DDHD1: variants seen among roughly 807,000 people sequenced by gnomAD.
DDHD1 encodes the protein phospholipase DDHD1.
In DDHD1, 49 loss-of-function variants were observed where a neutral mutation model predicts 96.4. That is an observed-to-expected ratio of 0.51 (90% CI 0.40 to 0.64). DDHD1 has a LOEUF of 0.64. Ranked by LOEUF, DDHD1 falls within the 30% of genes least tolerant of loss-of-function variation. The probability of loss-of-function intolerance (pLI) is 0.00; values close to 1 mark genes in which losing one functional copy is unlikely to be tolerated. For synonymous variants in DDHD1, 442 were observed against 446.5 expected (o/e 0.99, Z 0.13); for missense variants, 1,106 against 1,161.2 (o/e 0.95, Z 0.69).
rs1881702032 is a variant in DDHD1, at chr14:53,042,131, T to A, written c.*4637A>T. On this transcript the variant is annotated 3_prime_UTR_variant, in exon 13 of 13. Coordinates refer to ENST00000673822, the MANE Select transcript of DDHD1 (RefSeq NM_001160148.2). The stretch of plus-strand genomic sequence containing the variant: ...ACGAAGGAATTAAATGTGATAGCAT[T>A]TCTCTAGGTAAATGCCAAATTAAAA... 6.6e-6 allele frequency: 1 copy of A among 152,146 alleles called. No individual in the cohort carries two copies. The highest frequency in any genetic ancestry group is 2.4e-5 in the African/African-American group (1 of 41,432). The allele number at this position is 152,146 out of a possible 1,614,324, so 9.4% of individuals were successfully genotyped here. A position where few individuals can be genotyped will look rare whatever the true frequency, so the allele number is the denominator to read the frequency against.
chr14:53,153,056 T>C lies in DDHD1; in HGVS notation c.43A>G (p.Asn15Asp). The C allele has an allele frequency of 1.3e-6, 2 of 1,488,836 alleles. No individual in the cohort carries two copies. Among genetic ancestry groups the C allele is most frequent in the South Asian group, 1.3e-5 (1 of 76,622 alleles). The allele number at this position is 1,488,836 out of a possible 1,614,324, so 92.2% of individuals were successfully genotyped here. The part of the protein sequence containing the change: ...GRGSPRSPEH[N>D]GRGGGGGAWE... ...GCGCCGCCGCCGCCGCCTCGGCCGTTATGCTCGGGGCTCCGTGGGGACCCG... is the reference window on the plus strand; with the variant it reads ...GCGCCGCCGCCGCCGCCTCGGCCGTCATGCTCGGGGCTCCGTGGGGACCCG... The change falls in exon 1 of 13, where the codon AAC becomes GAC. Residue 15 changes from asparagine to aspartate, a missense_variant. Physicochemically the swap from Asn to Asp is conservative, Grantham distance 23 (BLOSUM62 1). This residue lies in a region of DDHD1 where 456 missense variants were observed against 402.4 expected (regional missense o/e 1.13). Transcript: ENST00000673822.
chr14:53,054,169 T>C (rs1476709714), intron 11 of DDHD1: 5 of 341,434 alleles, frequency 1.5e-5, no homozygotes, highest in Admixed American at 4.3e-5. Flanking sequence ...CTAAAGAGAT[T>C]TGTTTTATGC....
At chr14:53,137,666 A>C (rs972656542) in intron 1 of DDHD1, among the ~76,000 whole-genome samples, 2 of 152,214 alleles carry the variant, frequency 1.3e-5, no homozygotes, top group African/African-American at 2.4e-5. Context: ...AAATGTACAG[A>C]GTTGTTAAGC....
In DDHD1 at chr14:53,072,660, C is replaced by T. The variant is rs1439183447; in HGVS notation, c.1440G>A (p.Arg480=). 1.3e-5 allele frequency: 21 copies of T among 1,610,204 alleles called. No homozygotes were observed. The East Asian group carries it at 4.2e-4, about 33-fold the overall frequency. Residue 480 remains arginine, a synonymous_variant, in exon 6 of 13, where the codon AGG becomes AGA. Coordinates refer to ENST00000673822, the MANE Select transcript of DDHD1 (RefSeq NM_001160148.2). The part of the protein sequence containing the change: ...SITPDKVRGL[R]DMLNSSAMDI... Reference sequence around the variant, plus strand: ...CCATTGCACTGCTGTTCAGCATATCCCTTAAACCTCGTACTTTGTCAGGAG... The same window carrying T: ...CCATTGCACTGCTGTTCAGCATATCTCTTAAACCTCGTACTTTGTCAGGAG...
chr14:53,083,091 T>C (rs1373218438), intron 4 of DDHD1, among the ~76,000 whole-genome samples: 1 of 152,222 alleles, frequency 6.6e-6, no homozygotes, highest in Non-Finnish European at 1.5e-5. Context: ...TTTTGTGAAC[T>C]ACATGTATGT....
At chr14:53,151,604 G>A (rs1245986425) in intron 1 of DDHD1, among the ~76,000 whole-genome samples, 5 of 152,172 alleles carry the variant, frequency 3.3e-5, no homozygotes, top group African/African-American at 1.2e-4. Context: ...TGAGGAAGAC[G>A]AGGCATAGAA....
chr14:53,048,843 A>G (rs1882276655), intron 12 of DDHD1: 1 of 152,246 alleles, frequency 6.6e-6, no homozygotes, highest in African/African-American at 2.4e-5. Flanking sequence ...AAGCACAATG[A>G]AGATGAGTCA....
chr14:53,080,377 AC>A (rs1304046217), intron 4 of DDHD1, among the ~76,000 whole-genome samples: 1 of 152,054 alleles, frequency 6.6e-6, no homozygotes, highest in Non-Finnish European at 1.5e-5. Flanking sequence ...AAAAAAAAAG[AC>A]TTTTCACATG....
rs752054002 is a variant in DDHD1 at position 53,046,756 on chromosome 14, C to T, written c.*12G>A. ...AAATCAGTTTTAGGCCATTCATGTC[C>T]TTCAAGAGAGTTCAGATTGGATCTA... On this transcript the variant is annotated 3_prime_UTR_variant, in exon 13 of 13. Transcript: ENST00000673822. 1 of 1,445,848 alleles carries T rather than the reference C, an allele frequency of 6.9e-7. No individual in the cohort carries two copies. The highest frequency in any genetic ancestry group is 2.5e-5 in the Admixed American group (1 of 40,724). The allele number at this position is 1,445,848 out of a possible 1,614,324, so 89.6% of individuals were successfully genotyped here.
At chr14:53,144,481 A>T (rs1890844506) in intron 1 of DDHD1, among the ~76,000 whole-genome samples, 1 of 152,210 alleles carries the variant, frequency 6.6e-6, no homozygotes, top group African/African-American at 2.4e-5. Context: ...CTCAGTTTGG[A>T]TGCTCAACAA....
At chr14:53,083,958 A>G (rs757948957) in intron 4 of DDHD1, among the ~76,000 whole-genome samples, 8 of 152,146 alleles carry the variant, frequency 5.3e-5, no homozygotes, top group Non-Finnish European at 1.2e-4. Context: ...GCTTCCAATA[A>G]TAGCTCTTGA....
intron 10 of DDHD1, among the ~76,000 whole-genome samples, chr14:53,054,874 C>A (rs1354279040): frequency 3.3e-5 from 5 of 152,092 alleles, no homozygotes; most frequent in Admixed American, 1.3e-4. Context: ...AATAAAGATT[C>A]TATTTTATTC....
chr14:53,142,079 A>C (rs1890677417), intron 1 of DDHD1, among the ~76,000 whole-genome samples: 1 of 152,244 alleles, frequency 6.6e-6, no homozygotes, highest in Admixed American at 6.5e-5. Flanking sequence ...ACCTGATGAT[A>C]ACTCTTGGAA....
intron 1 of DDHD1, among the ~76,000 whole-genome samples, chr14:53,135,588 G>A (rs529209914): frequency 6.6e-6 from 1 of 152,302 alleles, no homozygotes; most frequent in South Asian, 2.1e-4. Context: ...TGTGGCAGCC[G>A]CATGATCTGT....
At chr14:53,115,493 T>C (rs1888473305) in intron 1 of DDHD1, among the ~76,000 whole-genome samples, 1 of 152,180 alleles carries the variant, frequency 6.6e-6, no homozygotes, top group South Asian at 2.1e-4. Context: ...TCAGGTTATC[T>C]ACAAAGGGAA....
intron 1 of DDHD1, among the ~76,000 whole-genome samples, chr14:53,131,848 C>A (rs970331139): frequency 6.6e-6 from 1 of 152,168 alleles, no homozygotes; most frequent in Non-Finnish European, 1.5e-5. Flanking sequence ...GCACATCCCC[C>A]TCCAAAGCTC....
chr14:53,152,861 G>A lies in DDHD1; in HGVS notation c.238C>T (p.Leu80=). The A allele has an allele frequency of 1.2e-6, 2 of 1,611,826 alleles. No homozygotes were observed. Among genetic ancestry groups the A allele is most frequent in the Non-Finnish European group, 1.7e-6 (2 of 1,179,164 alleles). The change falls in exon 1 of 13, where the codon CTG becomes TTG. Residue 80 remains leucine (L), a synonymous_variant. Transcript: ENST00000673822. ...GTDDHNHHLA[L]DPCLSDENYD... Reference sequence around the variant, plus strand: ...TTCTCGTCACTGAGGCAGGGGTCCAGCGCGAGGTGGTGGTTGTGGTCGTCG... The same window carrying A: ...TTCTCGTCACTGAGGCAGGGGTCCAACGCGAGGTGGTGGTTGTGGTCGTCG...
At chr14:53,114,686 A>G (rs1404036448) in intron 1 of DDHD1, among the ~76,000 whole-genome samples, 5 of 152,224 alleles carry the variant, frequency 3.3e-5, no homozygotes, top group African/African-American at 9.6e-5. Context: ...CAACATCAAC[A>G]AAAAAGACCA....
Position 53,055,736 on chromosome 14 carries a change from G to T in DDHD1, c.2169C>A (p.Ser723Arg). ...GGGACAAAACTGGTGAGGTCACAGG[G>T]CTTGGTATGGTTGAAATGCCTTCAT... ...SENEGISTIP[S>R]PVTSPVLSRR... Residue 723 changes from serine to arginine, a missense_variant, in exon 10 of 13, where the codon AGC (serine) becomes AGA (arginine). Physicochemically the swap from Ser to Arg is moderately radical, Grantham distance 110 (BLOSUM62 -1). Around this residue, in one of 2 missense-constraint regions of DDHD1, gnomAD observed 650 missense variants for 758.8 expected, o/e 0.86. Transcript: ENST00000673822. The T allele has an allele frequency of 6.2e-7, 1 of 1,614,036 alleles. No homozygotes were observed. Among genetic ancestry groups the T allele is most frequent in the Non-Finnish European group, 8.5e-7 (1 of 1,179,978 alleles).
Sources: gnomAD v4.1 joint callset for allele counts (sites outside exome capture counted in the v4.1 genomes callset) on GRCh38, gnomAD v4.1.1 for gene constraint, gnomAD v4.1.1 regional missense constraint, MANE v1.5 for transcripts, NCBI Gene and HGNC (gene_info 2026-07-23, HGNC 2026-07-21) for gene names.